FYB1: variants seen among roughly 807,000 people sequenced by gnomAD.
The protein encoded by FYB1 is FYN binding protein 1, also known as FYN-binding protein 1.
A neutral mutation model predicts 94.1 loss-of-function variants in FYB1; 41 were observed. The ratio of observed to expected loss-of-function variants is 0.44; its 90% CI spans 0.34 to 0.57. FYB1 has a LOEUF of 0.57. FYB1 is among the 20% of genes least tolerant of loss of function. The pLI is 0.02. For missense variants in FYB1, 1,050 were observed against 976.8 expected, an observed-to-expected ratio of 1.07 and a Z score of -1.00; for synonymous variants, 367 against 353.2, an observed-to-expected ratio of 1.04 and a Z score of -0.44.
At chr5:39,147,413 C>T (rs1173416487) in intron 3 of FYB1, among the ~76,000 whole-genome samples, 2 of 150,212 alleles carry the variant, frequency 1.3e-5, no homozygotes, top group Non-Finnish European at 2.9e-5. Flanking sequence ...AGACGACAGG[C>T]ACGTGTTACC....
chr5:39,168,757 T>C (rs2150392778), intron 2 of FYB1, among the ~76,000 whole-genome samples: 1 of 152,326 alleles, frequency 6.6e-6, no homozygotes, highest in African/African-American at 2.4e-5. Context: ...AGTCAATTGG[T>C]GAAATGAACA....
intron 1 of FYB1, among the ~76,000 whole-genome samples, chr5:39,254,218 G>A (rs946207044): frequency 6.6e-6 from 1 of 152,110 alleles, no homozygotes; most frequent in Non-Finnish European, 1.5e-5. Context: ...CTCAGTAATG[G>A]GATTGCTGAG....
intron 1 of FYB1, among the ~76,000 whole-genome samples, chr5:39,224,692 T>G (rs1456811190): frequency 6.6e-6 from 1 of 152,086 alleles, no homozygotes; most frequent in Non-Finnish European, 1.5e-5. Context: ...AACAGCTACT[T>G]CCCCTTACTC....
At chr5:39,188,008 C>T (rs1160524863) in intron 2 of FYB1, among the ~76,000 whole-genome samples, 2 of 152,100 alleles carry the variant, frequency 1.3e-5, no homozygotes, top group East Asian at 1.9e-4. Context: ...TGGCAAGAGT[C>T]GTTGATTACA....
intron 3 of FYB1, among the ~76,000 whole-genome samples, chr5:39,144,806 A>G (rs1209220656): frequency 6.6e-6 from 1 of 152,204 alleles, no homozygotes. Context: ...TGTCTCAAAA[A>G]AAAACCAAAA....
At chr5:39,176,135 C>CTTTT (rs1745698166) in intron 2 of FYB1, among the ~76,000 whole-genome samples, 2 of 44,446 alleles carry the variant, frequency 4.5e-5, no homozygotes, top group African/African-American at 7.8e-5. Context: ...CATTTTTTTT[C>CTTTT]TGTTTTTTTT....
At chr5:39,168,831 A>T (rs186108000) in intron 2 of FYB1, among the ~76,000 whole-genome samples, 190 of 152,230 alleles carry the variant, frequency 1.2e-3, no homozygotes, top group East Asian at 0.012. Context: ...TAATCAAAAT[A>T]GGAAACTTTT....
chr5:39,245,829 A>C (rs2150598385), intron 1 of FYB1, among the ~76,000 whole-genome samples: 1 of 152,202 alleles, frequency 6.6e-6, no homozygotes, highest in South Asian at 2.1e-4. Context: ...CGAACTCCTG[A>C]CTTCAGGTGA....
chr5:39,170,402 C>T (rs1247190910), intron 2 of FYB1: 65 of 566,244 alleles, frequency 1.1e-4, no homozygotes, highest in Non-Finnish European at 9.9e-5. Context: ...GTCTTGTCGC[C>T]GTCCTGGGCC....
chr5:39,269,110 C>T (rs528492213), intron 1 of FYB1, among the ~76,000 whole-genome samples: 13 of 151,872 alleles, frequency 8.6e-5, no homozygotes, highest in South Asian at 4.2e-4. Context: ...AGCGCAGTGG[C>T]GTGATCTCGG....
intron 1 of FYB1, among the ~76,000 whole-genome samples, chr5:39,227,390 G>T (rs776980568): frequency 6.6e-6 from 1 of 152,122 alleles, no homozygotes; most frequent in Non-Finnish European, 1.5e-5. Flanking sequence ...GAGAATGTTC[G>T]TATTCTTAGG....
chr5:39,239,508 C>A (rs1472887750), intron 1 of FYB1, among the ~76,000 whole-genome samples: 1 of 152,114 alleles, frequency 6.6e-6, no homozygotes, highest in African/African-American at 2.4e-5. Context: ...CAATTCTATA[C>A]ACCAACAACA....
At position 39,230,193 on chromosome 5, in the gene FYB1, C is replaced by T. The variant is rs190686273; in HGVS notation, c.-27-27206G>A. On this transcript the variant is annotated intron_variant, in intron 1 of 1. Transcript: ENST00000510188. ...TAAGAATCTTAAAATGAGAAGATTA[C>T]TCTGGATTATTTTGGGAAGACCCAA... Among the ~76,000 whole-genome samples, 4 of 152,274 alleles carry T rather than the reference C, an allele frequency of 2.6e-5. No individual in the cohort carries two copies. The East Asian group carries it at 5.8e-4, about 22-fold the overall frequency.
chr5:39,253,321 C>T (rs1751804255), intron 1 of FYB1, among the ~76,000 whole-genome samples: 1 of 151,926 alleles, frequency 6.6e-6, no homozygotes, highest in African/African-American at 2.4e-5. Flanking sequence ...TTTAAAGACC[C>T]AAAGCCTAGT....
At position 39,136,605 on chromosome 5, in the gene FYB1, T is replaced by G. The variant is rs1418726772; in HGVS notation, c.1515+995A>C. On this transcript the variant is annotated intron_variant, in intron 7 of 18. Coordinates refer to ENST00000512982, the MANE Select transcript of FYB1 (RefSeq NM_001465.6). ...TGGAGTAGTATCATTTATCCTTACTTAAAAGATTAAGAATCAGCGGCTCAG... is the reference window on the plus strand; with the variant it reads ...TGGAGTAGTATCATTTATCCTTACTGAAAAGATTAAGAATCAGCGGCTCAG... 3.3e-5 allele frequency among the ~76,000 whole-genome samples: 5 copies of G among 152,142 alleles called. No homozygotes were observed. In the East Asian group the frequency reaches 9.6e-4, roughly 29 times the overall value.
intron 3 of FYB1, among the ~76,000 whole-genome samples, chr5:39,147,327 T>C (rs1742748387): frequency 6.6e-6 from 1 of 151,886 alleles, no homozygotes; most frequent in African/African-American, 2.4e-5. Context: ...TGGAGTGTAG[T>C]GGAGAGATCA....
chr5:39,124,602 A>G (rs1442764365), intron 12 of FYB1, among the ~76,000 whole-genome samples: 2 of 152,164 alleles, frequency 1.3e-5, no homozygotes, highest in African/African-American at 4.8e-5. Context: ...ATATCAAGCC[A>G]GAGTAAATGA....
At chr5:39,215,055 T>TG (rs1300100100) in intron 1 of FYB1, among the ~76,000 whole-genome samples, 2 of 152,160 alleles carry the variant, frequency 1.3e-5, no homozygotes, top group Non-Finnish European at 2.9e-5. Flanking sequence ...TAATGTTTAA[T>TG]GGATATAGAG....
intron 9 of FYB1, 126 bp downstream of exon 9, chr5:39,134,082 G>C: frequency 1.6e-6 from 1 of 617,022 alleles, no homozygotes; most frequent in South Asian, 3.6e-5. Flanking sequence ...GTTATTGTAA[G>C]TGGTCATTTA....
Sources: gnomAD v4.1 joint callset for allele counts (sites outside exome capture counted in the v4.1 genomes callset) on GRCh38, gnomAD v4.1.1 for gene constraint, MANE v1.5 for transcripts, NCBI Gene and HGNC (gene_info 2026-07-23, HGNC 2026-07-21) for gene names.